The following NALF1 variants were observed in gnomAD, a reference collection of about 807,000 sequenced individuals.
NALF1 encodes the protein NALCN channel auxiliary factor 1, also known as family with sequence similarity 155 member A.
Under a neutral mutation model 48.4 loss-of-function variants are expected in NALF1, and 3 were observed. The ratio of observed to expected loss-of-function variants is 0.06; its 90% confidence interval spans 0.03 to 0.16. NALF1 has a LOEUF of 0.16. Among genes scored for constraint, NALF1 ranks in the 10% least tolerant of loss-of-function variants. The probability of loss-of-function intolerance (pLI) is 1.00; values close to 1 mark genes in which losing one functional copy is unlikely to be tolerated. For missense variants in NALF1, 526 were observed against 571.5 expected, an observed-to-expected ratio of 0.92 and a Z score of 0.81; for synonymous variants, 262 against 245.7, an observed-to-expected ratio of 1.07 and a Z score of -0.62.
chr13:107,665,533 C>T (rs1880835793), intron 1 of NALF1, among the ~76,000 whole-genome samples: 1 of 152,140 alleles, frequency 6.6e-6, no homozygotes, highest in Non-Finnish European at 1.5e-5. Context: ...TATAGTATTT[C>T]ATGGCATGGT....
chr13:107,698,574 T>G (rs1881747798), intron 1 of NALF1, among the ~76,000 whole-genome samples: 1 of 152,138 alleles, frequency 6.6e-6, no homozygotes, highest in South Asian at 2.1e-4. Context: ...ATATTTCCAG[T>G]ATATGCTCTT....
intron 1 of NALF1, among the ~76,000 whole-genome samples, chr13:107,243,985 G>A (rs574169228): frequency 6.6e-6 from 1 of 152,230 alleles, no homozygotes; most frequent in South Asian, 2.1e-4. Context: ...ACAAAAATCA[G>A]GTTAGCCTCC....
chr13:107,746,037 T>C (rs2138548231), intron 1 of NALF1, among the ~76,000 whole-genome samples: 1 of 152,314 alleles, frequency 6.6e-6, no homozygotes, highest in South Asian at 2.1e-4. Context: ...CGGAGTGTTG[T>C]TTCTCCAAAT....
intron 1 of NALF1, among the ~76,000 whole-genome samples, chr13:107,554,912 G>A (rs1201388279): frequency 6.6e-6 from 1 of 152,110 alleles, no homozygotes; most frequent in African/African-American, 2.4e-5. Context: ...TGTAGAGAAT[G>A]TCTAAGTAGA....
chr13:107,502,744 T>C (rs1052892422), intron 1 of NALF1, among the ~76,000 whole-genome samples: 8 of 152,194 alleles, frequency 5.3e-5, no homozygotes, highest in South Asian at 2.1e-4. Context: ...TTTCCCCTGA[T>C]AGTTGTGTTT....
intron 1 of NALF1, among the ~76,000 whole-genome samples, chr13:107,651,253 G>A (rs915288804): frequency 6.6e-6 from 1 of 152,144 alleles, no homozygotes; most frequent in Admixed American, 6.5e-5. Context: ...GGCTGTTTCT[G>A]TTCTGTATTC....
At chr13:107,395,796 C>T (rs558903571) in intron 1 of NALF1, among the ~76,000 whole-genome samples, 140 of 152,174 alleles carry the variant, frequency 9.2e-4, no homozygotes, top group Non-Finnish European at 1.6e-3. Context: ...TCCATGTTTT[C>T]ACGTAATTTT....
chr13:107,726,896 G>A (rs1376373545), intron 1 of NALF1, among the ~76,000 whole-genome samples: 2 of 138,684 alleles, frequency 1.4e-5, no homozygotes, highest in African/African-American at 2.8e-5. Context: ...GAGACACCAC[G>A]CCCGGCCGGC....
intron 1 of NALF1, among the ~76,000 whole-genome samples, chr13:107,558,515 G>T (rs951998276): frequency 6.6e-6 from 1 of 152,122 alleles, no homozygotes; most frequent in Non-Finnish European, 1.5e-5. Context: ...AAGAGCAACC[G>T]TGGTTGCCTA....
chr13:107,710,969 T>C (rs963654317), intron 1 of NALF1, among the ~76,000 whole-genome samples: 2 of 151,856 alleles, frequency 1.3e-5, no homozygotes, highest in Admixed American at 6.6e-5. Context: ...TATGTATCGA[T>C]GAGTCTTATT....
chr13:107,641,403 G>A (rs992760645), intron 1 of NALF1, among the ~76,000 whole-genome samples: 3 of 152,146 alleles, frequency 2.0e-5, no homozygotes, highest in African/African-American at 7.2e-5. Context: ...TAAAGGTTAA[G>A]AATTTGAATG....
chr13:107,312,952 G>T (rs146016691), intron 1 of NALF1, among the ~76,000 whole-genome samples: 1 of 152,262 alleles, frequency 6.6e-6, no homozygotes, highest in African/African-American at 2.4e-5. Flanking sequence ...GAGACGGAAA[G>T]CAAAACAAAC....
At chr13:107,602,064 T>A (rs1878946203) in intron 1 of NALF1, among the ~76,000 whole-genome samples, 1 of 152,192 alleles carries the variant, frequency 6.6e-6, no homozygotes, top group Non-Finnish European at 1.5e-5. Context: ...TATAGAAAGG[T>A]CTCTGAACTG....
chr13:107,182,942 T>C (rs1879097585), intron 2 of NALF1, among the ~76,000 whole-genome samples: 1 of 152,272 alleles, frequency 6.6e-6, no homozygotes, highest in South Asian at 2.1e-4. Context: ...ATTAGAAACA[T>C]CCAAGTCTAT....
intron 1 of NALF1, among the ~76,000 whole-genome samples, chr13:107,398,829 A>C (rs1024705611): frequency 6.6e-6 from 1 of 152,166 alleles, no homozygotes; most frequent in Non-Finnish European, 1.5e-5. Flanking sequence ...ATGAGATGGG[A>C]ATATCAGAGT....
At chr13:107,498,295 C>T (rs540267421) in intron 1 of NALF1, among the ~76,000 whole-genome samples, 1 of 152,120 alleles carries the variant, frequency 6.6e-6, no homozygotes, top group Non-Finnish European at 1.5e-5. Context: ...ATAGAGTCTT[C>T]TCATTGATAG....
At chr13:107,359,553 A>G (rs774052533) in intron 1 of NALF1, among the ~76,000 whole-genome samples, 3 of 152,096 alleles carry the variant, frequency 2.0e-5, no homozygotes, top group Non-Finnish European at 4.4e-5. Context: ...CAAAAATTAT[A>G]AAGTTTTGCT....
intron 1 of NALF1, among the ~76,000 whole-genome samples, chr13:107,294,322 T>G (rs577856408): frequency 3.3e-5 from 5 of 152,314 alleles, no homozygotes; most frequent in African/African-American, 1.2e-4. Flanking sequence ...TAGTAGTGTT[T>G]TCTCCCCATT....
chr13:107,705,512 AT>A (rs1881927529), intron 1 of NALF1, among the ~76,000 whole-genome samples: 3 of 164 alleles, frequency 0.018, no homozygotes, highest in African/African-American at 0.019. Flanking sequence ...GATTTTATAC[AT>A]ATATATATAT....
Sources: gnomAD v4.1 joint callset for allele counts (sites outside exome capture counted in the v4.1 genomes callset) on GRCh38, gnomAD v4.1.1 for gene constraint, MANE v1.5 for transcripts, NCBI Gene and HGNC (gene_info 2026-07-23, HGNC 2026-07-21) for gene names.